Variants in VTI1A observed in about 807,000 individuals in gnomAD.
VTI1A encodes vesicle transport through interaction with t-SNAREs 1A.
VTI1A carries 22 observed loss-of-function variants against 34.9 expected under a neutral mutation model. That is an observed-to-expected ratio of 0.63 (90% CI 0.45 to 0.90). VTI1A has a LOEUF of 0.90. Ranked by LOEUF, VTI1A falls within the 40% of genes least tolerant of loss-of-function variation. The pLI, the probability that VTI1A is intolerant of heterozygous loss-of-function variation, is 0.00. For missense variants in VTI1A, 268 were observed against 275.6 expected (o/e 0.97, Z 0.20); for synonymous variants, 87 against 97.3 (o/e 0.89, Z 0.62).
intron 5 of VTI1A, among the ~76,000 whole-genome samples, chr10:112,594,059 G>T (rs1844513362): frequency 1.3e-5 from 2 of 152,160 alleles, no homozygotes; most frequent in African/African-American, 4.8e-5. Flanking sequence ...ACAGGAGCCT[G>T]CCACCATGCC....
chr10:112,683,004 A>T lies in VTI1A; in HGVS notation c.560+14006A>T, dbSNP rs554824217. ...ATTAACTACAGCTTTTTCTTTTGAA[A>T]TGGAAAAAGAGAAATAAAAATATGG... is the stretch of plus-strand genomic sequence containing the variant. On this transcript the variant is annotated intron_variant, in intron 7 of 7. Transcript: ENST00000393077. Among the ~76,000 whole-genome samples the T allele has an allele frequency of 2.1e-4, 32 of 152,336 alleles. No individual in the cohort carries two copies. The Middle Eastern group carries it at 0.014, about 65-fold the overall frequency.
chr10:112,809,826 C>T (rs1431551639), intron 7 of VTI1A, among the ~76,000 whole-genome samples: 1 of 152,066 alleles, frequency 6.6e-6, no homozygotes, highest in Admixed American at 6.5e-5. Context: ...CCACTTTTTA[C>T]TGGGGACTGT....
At position 112,636,728 on chromosome 10, in the gene VTI1A, C is replaced by CAG. The variant is rs754852087; in HGVS notation, c.428-31489_428-31488insGA. Among the ~76,000 whole-genome samples the CAG allele has an allele frequency of 1.8e-5, 2 of 111,696 alleles. 1 individual carries two copies. The highest frequency in any genetic ancestry group is 3.5e-5 in the Non-Finnish European group (2 of 57,540). 73.3% of individuals were successfully genotyped at this position (111,696 alleles called of 152,430 possible). A position where few individuals can be genotyped will look rare whatever the true frequency, so the allele number is the denominator to read the frequency against. On this transcript the variant is annotated intron_variant, in intron 5 of 7. Transcript: ENST00000393077. ...TGGGTGCCAGAGCAAGACTCGATCTCAAAAAAAAAAAAAAAAAACTTCAAG... is the reference window on the plus strand; with the variant it reads ...TGGGTGCCAGAGCAAGACTCGATCTCAGAAAAAAAAAAAAAAAAAACTTCAAG...
intron 7 of VTI1A, among the ~76,000 whole-genome samples, chr10:112,771,873 G>A (rs1304279165): frequency 1.3e-5 from 2 of 152,156 alleles, no homozygotes; most frequent in Non-Finnish European, 2.9e-5. Context: ...TATAACATGT[G>A]CCAGTACTTT....
chr10:112,776,234 C>A (rs1387979149), intron 7 of VTI1A, among the ~76,000 whole-genome samples: 1 of 152,146 alleles, frequency 6.6e-6, no homozygotes, highest in Non-Finnish European at 1.5e-5. Context: ...CGCGCTGCAC[C>A]GTGTTAGTGC....
the VTI1A span, chr10:112,831,903 C>T: frequency 1.3e-5 from 2 of 152,128 alleles, no homozygotes; most frequent in Non-Finnish European, 2.9e-5. Context: ...CACTAGATCC[C>T]ACAAGCCATG....
In VTI1A at chr10:112,781,022, G is replaced by A. The variant is rs539812219; in HGVS notation, c.561-34268G>A. 6.5e-4 allele frequency among the ~76,000 whole-genome samples: 99 copies of A among 152,146 alleles called. 1 individual carries two copies. The highest frequency in any genetic ancestry group is 2.4e-3 in the African/African-American group (98 of 41,510). ...TTGCCCAGGCTGATCTCGGCTCACT[G>A]CAACCTCCGCCTCCCAGGTTTAAGC... On this transcript the variant is annotated intron_variant, in intron 7 of 7. Transcript: ENST00000393077.
chr10:112,449,401 A>G (rs533533312), intron 1 of VTI1A: 2 of 152,312 alleles, frequency 1.3e-5, no homozygotes, highest in African/African-American at 2.4e-5. Context: ...TCTTGCCTTT[A>G]TATTTTAATG....
intron 5 of VTI1A, among the ~76,000 whole-genome samples, chr10:112,659,697 A>G (rs1015471908): frequency 2.6e-5 from 4 of 152,252 alleles, no homozygotes; most frequent in Non-Finnish European, 4.4e-5. Flanking sequence ...AAACACAAAC[A>G]TACACGCACG....
intron 3 of VTI1A, among the ~76,000 whole-genome samples, chr10:112,522,717 T>C (rs1484216433): frequency 6.6e-6 from 1 of 152,084 alleles, no homozygotes; most frequent in African/African-American, 2.4e-5. Flanking sequence ...GTGATGTAGC[T>C]GTGTGGGTAT....
chr10:112,725,784 A>G (rs964746387), intron 7 of VTI1A, among the ~76,000 whole-genome samples: 5 of 152,216 alleles, frequency 3.3e-5, no homozygotes, highest in Non-Finnish European at 5.9e-5. Flanking sequence ...AAAGTGATCA[A>G]TGATGCTTGC....
chr10:112,505,527 A>G (rs1460263650), intron 3 of VTI1A, among the ~76,000 whole-genome samples: 1 of 152,202 alleles, frequency 6.6e-6, no homozygotes, highest in African/African-American at 2.4e-5. Flanking sequence ...GTTAAATAAT[A>G]GTAGTGTTAG....
intron 7 of VTI1A, among the ~76,000 whole-genome samples, chr10:112,786,210 T>C (rs1331503352): frequency 1.3e-5 from 2 of 152,240 alleles, no homozygotes; most frequent in Non-Finnish European, 2.9e-5. Context: ...TTTGATGCTA[T>C]TGTGAATTAC....
chr10:112,722,417 A>T (rs1447547482), intron 7 of VTI1A, among the ~76,000 whole-genome samples: 1 of 152,160 alleles, frequency 6.6e-6, no homozygotes, highest in Non-Finnish European at 1.5e-5. Flanking sequence ...GTAAATGACG[A>T]GTTAATGGGT....
chr10:112,631,987 A>C (rs1209599586), intron 5 of VTI1A, among the ~76,000 whole-genome samples: 1 of 152,210 alleles, frequency 6.6e-6, no homozygotes, highest in South Asian at 2.1e-4. Flanking sequence ...GAAATTCCAC[A>C]ATATGGTAAT....
chr10:112,719,616 G>A (rs191764656), intron 7 of VTI1A, among the ~76,000 whole-genome samples: 117 of 151,546 alleles, frequency 7.7e-4, no homozygotes, highest in East Asian at 5.8e-3. Flanking sequence ...GTGCGATCTC[G>A]GCTCACCGCA....
intron 7 of VTI1A, among the ~76,000 whole-genome samples, chr10:112,785,944 T>C (rs991513200): frequency 6.6e-6 from 1 of 152,204 alleles, no homozygotes; most frequent in East Asian, 1.9e-4. Context: ...TTTTTATACA[T>C]TCTAGTTCTA....
chr10:112,531,551 A>T (rs909417263), intron 4 of VTI1A, among the ~76,000 whole-genome samples: 2 of 152,156 alleles, frequency 1.3e-5, no homozygotes, highest in Non-Finnish European at 2.9e-5. Flanking sequence ...TACAAATCCG[A>T]TGTAGAGCTT....
chr10:112,520,517 G>A (rs1215880029), intron 3 of VTI1A, among the ~76,000 whole-genome samples: 1 of 151,850 alleles, frequency 6.6e-6, no homozygotes, highest in Non-Finnish European at 1.5e-5. Context: ...AAATGATACA[G>A]CAGCAATATG....
Sources: allele counts gnomAD v4.1 joint callset (sites outside exome capture counted in the v4.1 genomes callset), GRCh38; gene constraint gnomAD v4.1.1; transcripts MANE v1.5; gene names NCBI Gene and HGNC (gene_info 2026-07-23, HGNC 2026-07-21).